Variants in SLCO3A1 observed in about 807,000 individuals in gnomAD.
The protein encoded by SLCO3A1 is PGE1 transporter.
SLCO3A1 carries 27 observed loss-of-function variants against 63.1 expected under a neutral mutation model. That is an observed-to-expected ratio of 0.43 (90% CI 0.32 to 0.59). The LOEUF (loss-of-function observed/expected upper bound fraction) is 0.59, where lower values mean the gene tolerates loss of function less well. Ranked by LOEUF, SLCO3A1 falls within the 20% of genes least tolerant of loss-of-function variation. The pLI is 0.09. For missense variants in SLCO3A1, 773 were observed against 945.8 expected, an observed-to-expected ratio of 0.82 and a Z score of 2.40; for synonymous variants, 473 against 409.9, an observed-to-expected ratio of 1.15 and a Z score of -1.86.
At position 91,865,073 on chromosome 15, in the gene SLCO3A1, G is replaced by A. The variant is rs1451158876; in HGVS notation, c.180+10985G>A. On this transcript the variant is annotated intron_variant, in intron 1 of 9. Coordinates refer to ENST00000318445, the MANE Select transcript of SLCO3A1 (RefSeq NM_013272.4). The surrounding 1 kb of genome is among the most constrained non-coding windows in gnomAD (Gnocchi z 4.6). ...GTTGGCCACCCGCTGTCCCTATCCAGTGGATAATGGAGCTGAGCGTGGTCT... is the reference window on the plus strand; with the variant it reads ...GTTGGCCACCCGCTGTCCCTATCCAATGGATAATGGAGCTGAGCGTGGTCT... Among the ~76,000 whole-genome samples the A allele has an allele frequency of 2.0e-5, 3 of 152,240 alleles. No homozygotes were observed. Among genetic ancestry groups the A allele is most frequent in the Non-Finnish European group, 2.9e-5 (2 of 68,048 alleles).
chr15:92,104,256 A>G (rs777574395), intron 3 of SLCO3A1, 23 bp from the exon 4 acceptor site: 1 of 1,613,004 alleles, frequency 6.2e-7, no homozygotes, highest in Non-Finnish European at 8.5e-7. Flanking sequence ...TTCTCCACTA[A>G]GCTGTGCTCT....
chr15:92,087,580 G>C (rs1460015274), intron 2 of SLCO3A1, among the ~76,000 whole-genome samples: 1 of 147,964 alleles, frequency 6.8e-6, no homozygotes, highest in South Asian at 2.1e-4. Flanking sequence ...GTGCAATGGC[G>C]CTATCTTGGC....
At chr15:91,869,846 C>T (rs1486918821) in intron 1 of SLCO3A1, among the ~76,000 whole-genome samples, 1 of 152,188 alleles carries the variant, frequency 6.6e-6, no homozygotes, top group Non-Finnish European at 1.5e-5. Flanking sequence ...CTTCTTTTCA[C>T]TACTTTGTTC....
At chr15:92,151,450 G>C (rs145762968) in intron 9 of SLCO3A1, among the ~76,000 whole-genome samples, 379 of 152,250 alleles carry the variant, frequency 2.5e-3, no homozygotes, top group Non-Finnish European at 3.9e-3. Context: ...AACTGACTTA[G>C]TTTGTTTACC....
chr15:91,962,479 C>A (rs1231292356), intron 2 of SLCO3A1, among the ~76,000 whole-genome samples: 66 of 81,696 alleles, frequency 8.1e-4, no homozygotes, highest in South Asian at 2.0e-3. Context: ...AACTCCGTCT[C>A]AAAAAAAAAA....
chr15:91,955,891 C>G (rs1306251939), intron 2 of SLCO3A1, among the ~76,000 whole-genome samples: 11 of 152,154 alleles, frequency 7.2e-5, no homozygotes, highest in African/African-American at 2.7e-4. Context: ...GGTGTGAGTT[C>G]ATAATGCCTA....
At chr15:92,075,871 T>C (rs2047270647) in intron 2 of SLCO3A1, among the ~76,000 whole-genome samples, 1 of 152,158 alleles carries the variant, frequency 6.6e-6, no homozygotes, top group Admixed American at 6.5e-5. Flanking sequence ...AGTGAGTGAG[T>C]GTTTTTGTCC....
intron 2 of SLCO3A1, among the ~76,000 whole-genome samples, chr15:92,078,584 CCTTTGCCCAGGCTGTTCCTG>C (rs1160317762): frequency 2.6e-5 from 4 of 152,274 alleles, no homozygotes; most frequent in South Asian, 2.1e-4. Flanking sequence ...CACACCTCTG[CCTTTGCCCAGGCTGTTCCTG>C]CTTTGCCCAG....
chr15:92,163,066 A>G lies in SLCO3A1; in HGVS notation c.2064A>G (p.Thr688=). Reference sequence around the variant, plus strand: ...GGGACCCTGTGCCCGCAAACCAGACACATAGGACAAAGTTTATCTATAACC... The same window carrying G: ...GGGACCCTGTGCCCGCAAACCAGACGCATAGGACAAAGTTTATCTATAACC... ...LGRDPVPANQ[T]HRTKFIYNLE... is the part of the protein sequence containing the mutation. Residue 688 remains threonine (T), a synonymous_variant, in exon 10 of 10, where the codon ACA becomes ACG. Coordinates refer to ENST00000318445, the MANE Select transcript of SLCO3A1 (RefSeq NM_013272.4). The G allele has an allele frequency of 6.4e-7, 1 of 1,563,164 alleles. No homozygotes were observed. Among genetic ancestry groups the G allele is most frequent in the Non-Finnish European group, 8.6e-7 (1 of 1,156,650 alleles).
At chr15:92,007,059 A>G (rs1017303037) in intron 2 of SLCO3A1, among the ~76,000 whole-genome samples, 4 of 152,250 alleles carry the variant, frequency 2.6e-5, no homozygotes, top group African/African-American at 9.6e-5. Flanking sequence ...GCATTGCACA[A>G]CAGTTTATAA....
chr15:91,938,946 G>A (rs1263458682), intron 2 of SLCO3A1, among the ~76,000 whole-genome samples: 3 of 152,188 alleles, frequency 2.0e-5, no homozygotes, highest in Non-Finnish European at 2.9e-5. Flanking sequence ...CTTTCTAAAC[G>A]TAGCTGGGAT....
intron 2 of SLCO3A1, among the ~76,000 whole-genome samples, chr15:92,083,152 G>A (rs761167058): frequency 9.2e-5 from 14 of 152,160 alleles, no homozygotes; most frequent in East Asian, 1.9e-4. Context: ...GCCGTCACCC[G>A]TGTGTACCAG....
chr15:92,035,896 T>G (rs1284491105), intron 2 of SLCO3A1, among the ~76,000 whole-genome samples: 1 of 151,852 alleles, frequency 6.6e-6, no homozygotes, highest in Admixed American at 6.6e-5. Flanking sequence ...TTTGGGTCCC[T>G]GGAGGCTGGT....
At chr15:91,935,120 A>G (rs767282629) in intron 2 of SLCO3A1, among the ~76,000 whole-genome samples, 7 of 152,182 alleles carry the variant, frequency 4.6e-5, no homozygotes, top group Non-Finnish European at 8.8e-5. Context: ...CGCCTGGCTA[A>G]TTTTTGTATT....
chr15:92,168,340 A>T (rs928439688), downstream of SLCO3A1, among the ~76,000 whole-genome samples: 3 of 152,208 alleles, frequency 2.0e-5, no homozygotes, highest in African/African-American at 7.2e-5. Context: ...AGCGCCACCA[A>T]AACATTCACA....
At chr15:92,011,347 G>A (rs1180019422) in intron 2 of SLCO3A1, among the ~76,000 whole-genome samples, 6 of 152,096 alleles carry the variant, frequency 3.9e-5, no homozygotes, top group Admixed American at 6.5e-5. Flanking sequence ...TGTTGTGGGA[G>A]CACACAAAAT....
chr15:91,986,753 T>C (rs2151440445), intron 2 of SLCO3A1, among the ~76,000 whole-genome samples: 1 of 152,342 alleles, frequency 6.6e-6, no homozygotes, highest in African/African-American at 2.4e-5. Context: ...GTACTCTCCA[T>C]AGCTATTTAA....
chr15:92,050,405 C>G (rs1361059537), intron 2 of SLCO3A1, among the ~76,000 whole-genome samples: 3 of 152,186 alleles, frequency 2.0e-5, no homozygotes, highest in Non-Finnish European at 4.4e-5. Flanking sequence ...CTTGTCTGAG[C>G]AGATGCGATG....
chr15:92,096,462 C>T (rs1484162104), intron 3 of SLCO3A1, among the ~76,000 whole-genome samples: 1 of 152,218 alleles, frequency 6.6e-6, no homozygotes, highest in Non-Finnish European at 1.5e-5. Context: ...CATTGCCTAC[C>T]ATGTGCTGTC....
Sources: allele counts gnomAD v4.1 joint callset (sites outside exome capture counted in the v4.1 genomes callset), GRCh38; gene constraint gnomAD v4.1.1; non-coding constraint Gnocchi (gnomAD v3.1); transcripts MANE v1.5; gene names NCBI Gene and HGNC (gene_info 2026-07-23, HGNC 2026-07-21).